FBN2: variants seen among roughly 807,000 people sequenced by gnomAD.
FBN2 encodes fibrillin 2, also known as fibrillin-2.
Under a neutral mutation model 355.6 loss-of-function variants are expected in FBN2, and 105 were observed. The ratio of observed to expected loss-of-function variants is 0.30; its 90% CI spans 0.25 to 0.35. FBN2 has a LOEUF of 0.35. Among genes scored for constraint, FBN2 ranks in the 10% least tolerant of loss-of-function variants. The pLI is 1.00. For missense variants in FBN2, 3,280 were observed against 3,758.7 expected (o/e 0.87, Z 3.33); for synonymous variants, 1,350 against 1,301.2 (o/e 1.04, Z -0.81).
chr5:128,536,824 C>T (rs138139563), intron 1 of FBN2, among the ~76,000 whole-genome samples: 1 of 152,276 alleles, frequency 6.6e-6, no homozygotes, highest in Non-Finnish European at 1.5e-5. Context: ...GAATCCTTGC[C>T]CTCCTTCCCA....
At chr5:128,276,328 G>T (rs147902439) in intron 58 of FBN2, among the ~76,000 whole-genome samples, 168 bp from the exon 59 acceptor site, 2 of 152,064 alleles carry the variant, frequency 1.3e-5, no homozygotes, top group African/African-American at 4.8e-5. Context: ...AGTAACATGC[G>T]GGTTTACTTT....
chr5:128,474,132 C>T (rs1012243738), intron 5 of FBN2, among the ~76,000 whole-genome samples: 2 of 152,218 alleles, frequency 1.3e-5, no homozygotes, highest in Non-Finnish European at 2.9e-5. Flanking sequence ...TCCTCAAATT[C>T]ACAGCCTATA....
intron 6 of FBN2, among the ~76,000 whole-genome samples, chr5:128,458,722 C>T (rs1336013735): frequency 1.3e-5 from 2 of 151,944 alleles, no homozygotes; most frequent in African/African-American, 2.4e-5. Flanking sequence ...GAAAGTAAGG[C>T]GGAAATCAAG....
chr5:128,447,589 T>C (rs1321895693), intron 6 of FBN2, among the ~76,000 whole-genome samples: 1 of 152,214 alleles, frequency 6.6e-6, no homozygotes, highest in Non-Finnish European at 1.5e-5. Context: ...CGAAACTTCA[T>C]TAGCAATTTT....
At chr5:128,351,771 G>C (rs1052035213) in intron 20 of FBN2, among the ~76,000 whole-genome samples, 1 of 151,922 alleles carries the variant, frequency 6.6e-6, no homozygotes, top group Non-Finnish European at 1.5e-5. Flanking sequence ...ATGTTGCCCA[G>C]GTTGGTCTGG....
intron 15 of FBN2, among the ~76,000 whole-genome samples, chr5:128,370,218 A>G (rs781134699): frequency 1.3e-5 from 2 of 152,194 alleles, no homozygotes; most frequent in African/African-American, 2.4e-5. Flanking sequence ...GAACTATAAA[A>G]AACTCAGATC....
chr5:128,280,171 T>A (rs1318554439), intron 56 of FBN2, 21 bp downstream of exon 56: 1 of 1,603,214 alleles, frequency 6.2e-7, no homozygotes, highest in Non-Finnish European at 8.5e-7. Flanking sequence ...CCAAGTATAA[T>A]ATATTTGGAT....
chr5:128,434,406 A>ATGTATATATATG (rs1344667744), intron 7 of FBN2, among the ~76,000 whole-genome samples: 1 of 105,162 alleles, frequency 9.5e-6, no homozygotes, highest in African/African-American at 3.7e-5. Context: ...ATATATATAT[A>ATGTATATATATG]TATATATATA....
intron 5 of FBN2, among the ~76,000 whole-genome samples, chr5:128,479,577 A>G (rs139278440): frequency 2.6e-5 from 4 of 152,242 alleles, no homozygotes; most frequent in African/African-American, 4.8e-5. Context: ...CAAATCTAAT[A>G]AATGGCTGAA....
At chr5:128,362,803 G>A (rs1751671883) in intron 18 of FBN2, among the ~76,000 whole-genome samples, 3 of 152,152 alleles carry the variant, frequency 2.0e-5, no homozygotes, top group African/African-American at 4.8e-5. Context: ...TTTTGCAAGT[G>A]TAGTTAGTGA....
At chr5:128,461,905 T>C (rs1754568888) in intron 6 of FBN2, among the ~76,000 whole-genome samples, 1 of 152,150 alleles carries the variant, frequency 6.6e-6, no homozygotes, top group Admixed American at 6.5e-5. Flanking sequence ...CAAACCACCA[T>C]GGTACACATA....
intron 5 of FBN2, among the ~76,000 whole-genome samples, chr5:128,514,436 G>T (rs9327478): frequency 0.16 from 24,642 of 152,034 alleles, 3,636 homozygotes; most frequent in African/African-American, 0.39. Flanking sequence ...ATCCTCATGT[G>T]TAAAGTAGAT....
chr5:128,306,356 A>C (rs1202990302), intron 42 of FBN2, among the ~76,000 whole-genome samples: 1 of 152,154 alleles, frequency 6.6e-6, no homozygotes, highest in Non-Finnish European at 1.5e-5. Context: ...GTGGTGGCTC[A>C]CGCCTGTAAT....
chr5:128,337,620 G>A (rs1231558718), intron 27 of FBN2, among the ~76,000 whole-genome samples: 1 of 152,222 alleles, frequency 6.6e-6, no homozygotes, highest in Non-Finnish European at 1.5e-5. Context: ...TCGTGAGCAG[G>A]CACAGGGGCG....
intron 28 of FBN2, 121 bp downstream of exon 28, chr5:128,335,866 CT>C: frequency 9.6e-7 from 1 of 1,047,088 alleles, no homozygotes; most frequent in Non-Finnish European, 1.4e-6. Context: ...AGATCTGCCC[CT>C]AGTCTTACAT....
chr5:128,368,363 A>G (rs1353605580), intron 16 of FBN2, among the ~76,000 whole-genome samples: 1 of 150,308 alleles, frequency 6.7e-6, no homozygotes, highest in African/African-American at 2.4e-5. Context: ...ACTTGAGACC[A>G]CTTGGTGTCA....
intron 34 of FBN2, 163 bp downstream of exon 34, chr5:128,328,533 A>T (rs934281310): frequency 1.3e-6 from 1 of 777,868 alleles, no homozygotes; most frequent in Non-Finnish European, 2.2e-6. Flanking sequence ...CGCCATCATC[A>T]TTATTCATTC....
rs1207584954 is a variant in FBN2 at position 128,403,417 on chromosome 5, A to C, written c.1078+5257T>G. Reference sequence around the variant, plus strand: ...ATGCTTAATCCCATTTTCTGAACTTAACTGGCCCTTTTGGGTCCCTGTGCT... The same window carrying C: ...ATGCTTAATCCCATTTTCTGAACTTCACTGGCCCTTTTGGGTCCCTGTGCT... On this transcript the variant is annotated intron_variant, in intron 8 of 64. Coordinates refer to ENST00000262464, the MANE Select transcript of FBN2 (RefSeq NM_001999.4). Among the ~76,000 whole-genome samples the C allele has an allele frequency of 2.6e-5, 4 of 152,198 alleles. No homozygotes were observed. In the East Asian group the frequency reaches 7.7e-4, roughly 29 times the overall value.
chr5:128,468,863 T>C (rs1754782155), intron 5 of FBN2, among the ~76,000 whole-genome samples: 1 of 152,044 alleles, frequency 6.6e-6, no homozygotes, highest in Non-Finnish European at 1.5e-5. Flanking sequence ...ACGGAAAAAA[T>C]AAAATGCCCT....
Sources: gnomAD v4.1 joint callset for allele counts (sites outside exome capture counted in the v4.1 genomes callset) on GRCh38, gnomAD v4.1.1 for gene constraint, MANE v1.5 for transcripts, NCBI Gene and HGNC (gene_info 2026-07-23, HGNC 2026-07-21) for gene names.